The following INSL6 variants were observed in gnomAD, a reference collection of about 807,000 sequenced individuals.
INSL6 encodes the protein insulin like 6, also known as insulin-like peptide INSL6.
A neutral mutation model predicts 9.4 loss-of-function variants in INSL6; 16 were observed. The observed-to-expected ratio is 1.70, with a 90% CI of 1.15 to 2.59. The LOEUF (loss-of-function observed/expected upper bound fraction) is 2.59. Ranked by LOEUF, INSL6 falls within the 30% of genes most tolerant of loss-of-function variation. The pLI is 0.00. For synonymous variants in INSL6, 154 were observed against 96.9 expected, an observed-to-expected ratio of 1.59 and a Z score of -3.46; for missense variants, 391 against 257.3, an observed-to-expected ratio of 1.52 and a Z score of -3.56.
At chr9:5,005,200 T>G in the INSL6 span, among the ~76,000 whole-genome samples, 1 of 147,700 alleles carries the variant, frequency 6.8e-6, no homozygotes, top group African/African-American at 2.5e-5. Context: ...TCCTCCCACC[T>G]TGGCCTCCCA....
chr9:5,142,896 GT>G (rs1399679514), intron 2 of INSL6, among the ~76,000 whole-genome samples: 2 of 152,100 alleles, frequency 1.3e-5, no homozygotes, highest in Admixed American at 1.3e-4. Context: ...TTTATTGACA[GT>G]TTAACATGAA....
chr9:5,113,349 ATTCTTC>A, the INSL6 span, among the ~76,000 whole-genome samples: 1 of 149,032 alleles, frequency 6.7e-6, no homozygotes, highest in South Asian at 2.1e-4. Flanking sequence ...AACTTGGCTT[ATTCTTC>A]AAAAGCCAGC....
At chr9:5,130,204 T>C (rs1439214978) in intron 3 of INSL6, among the ~76,000 whole-genome samples, 1 of 152,166 alleles carries the variant, frequency 6.6e-6, no homozygotes, top group Non-Finnish European at 1.5e-5. Flanking sequence ...AAAGGAGCTC[T>C]AAGAGTCCCT....
At chr9:5,085,705 T>C in the INSL6 span, 28 of 749,034 alleles carry the variant, frequency 3.7e-5, no homozygotes, top group Non-Finnish European at 6.7e-5. Context: ...TGAACAAGAC[T>C]AGCAGTGTGG....
chr9:5,159,643 C>T (rs141911022), downstream of INSL6, among the ~76,000 whole-genome samples: 31 of 152,224 alleles, frequency 2.0e-4, no homozygotes, highest in African/African-American at 7.0e-4. Flanking sequence ...AGCACCCAGA[C>T]GTATAAAGCA....
the INSL6 span, among the ~76,000 whole-genome samples, chr9:5,062,557 G>C: frequency 6.2e-5 from 8 of 129,866 alleles, no homozygotes; most frequent in African/African-American, 1.6e-4. Context: ...GAGCAATAAA[G>C]GGAAGTGCAG....
intron 1 of INSL6, among the ~76,000 whole-genome samples, chr9:5,169,811 G>T (rs550729745): frequency 1.3e-5 from 2 of 152,272 alleles, no homozygotes; most frequent in East Asian, 3.9e-4. Context: ...AATAAGAAGA[G>T]CTTACTATCC....
the INSL6 span, among the ~76,000 whole-genome samples, chr9:5,036,367 A>T: frequency 4.6e-5 from 7 of 152,294 alleles, no homozygotes; most frequent in South Asian, 1.4e-3. Flanking sequence ...ACAGAATTGG[A>T]AAAAACTACT....
At chr9:4,993,042 A>G in the INSL6 span, among the ~76,000 whole-genome samples, 15 of 152,182 alleles carry the variant, frequency 9.9e-5, no homozygotes, top group African/African-American at 3.4e-4. Context: ...GTAGTGCTCC[A>G]GAGTCCAAAG....
At chr9:5,058,804 C>G in the INSL6 span, among the ~76,000 whole-genome samples, 7 of 152,112 alleles carry the variant, frequency 4.6e-5, no homozygotes, top group African/African-American at 9.7e-5. Context: ...TGCTGAGCGT[C>G]TTTTCATATA....
At chr9:5,049,881 T>C in the INSL6 span, among the ~76,000 whole-genome samples, 1 of 152,308 alleles carries the variant, frequency 6.6e-6, no homozygotes, top group African/African-American at 2.4e-5. Context: ...TTGTAGGCAC[T>C]TGTAACACAA....
the INSL6 span, among the ~76,000 whole-genome samples, chr9:5,103,510 A>T: frequency 6.6e-6 from 1 of 152,142 alleles, no homozygotes; most frequent in Non-Finnish European, 1.5e-5. Context: ...TAGACAGATC[A>T]ATGAGACAGA....
chr9:5,059,655 T>A, the INSL6 span, among the ~76,000 whole-genome samples: 1 of 152,198 alleles, frequency 6.6e-6, no homozygotes, highest in African/African-American at 2.4e-5. Context: ...ATCAGTTCAC[T>A]CTTCTTTCAG....
At chr9:5,077,961 A>G in the INSL6 span, among the ~76,000 whole-genome samples, 1 of 152,206 alleles carries the variant, frequency 6.6e-6, no homozygotes, top group Non-Finnish European at 1.5e-5. Flanking sequence ...GCCAGTCATC[A>G]GACCCCTCAG....
intron 2 of INSL6, among the ~76,000 whole-genome samples, chr9:5,139,897 T>A (rs556165052): frequency 2.6e-5 from 4 of 152,178 alleles, no homozygotes; most frequent in Non-Finnish European, 5.9e-5. Flanking sequence ...GTAGTGAACA[T>A]GGCACTGCTA....
chr9:5,054,408 A>G, the INSL6 span, among the ~76,000 whole-genome samples: 1 of 152,166 alleles, frequency 6.6e-6, no homozygotes, highest in African/African-American at 2.4e-5. The surrounding 1 kb of genome is among the most constrained non-coding windows in gnomAD (Gnocchi z 4.9). Context: ...TTTATACTGT[A>G]TGGATGGGGG....
At chr9:5,118,475 C>A in the INSL6 span, among the ~76,000 whole-genome samples, 1 of 152,110 alleles carries the variant, frequency 6.6e-6, no homozygotes. Flanking sequence ...ATTGAAGTTA[C>A]TAGGATACAG....
chr9:5,085,744 G>A, the INSL6 span: 50 of 752,536 alleles, frequency 6.6e-5, no homozygotes, highest in Admixed American at 1.4e-4. Flanking sequence ...GCTGTGGCGC[G>A]CTGGCTAGCT....
the INSL6 span, among the ~76,000 whole-genome samples, chr9:5,038,749 C>T: frequency 2.0e-5 from 3 of 151,896 alleles, no homozygotes; most frequent in Admixed American, 6.6e-5. Context: ...TGGAGCATTT[C>T]GGATTTCAGA....
Sources: allele counts gnomAD v4.1 joint callset (sites outside exome capture counted in the v4.1 genomes callset), GRCh38; gene constraint gnomAD v4.1.1; non-coding constraint Gnocchi (gnomAD v3.1); transcripts MANE v1.5; gene names NCBI Gene and HGNC (gene_info 2026-07-23, HGNC 2026-07-21).